TRDN: variants seen among roughly 807,000 people sequenced by gnomAD.
TRDN encodes the protein triadin in skeletal muscle.
A neutral mutation model predicts 149.7 loss-of-function variants in TRDN; 161 were observed. That is an observed-to-expected ratio of 1.08 (90% CI 0.95 to 1.23). The LOEUF is 1.23. TRDN is among the 50% of genes most tolerant of loss of function. The pLI, the probability that TRDN is intolerant of heterozygous loss-of-function variation, is 0.00. For missense variants in TRDN, 896 were observed against 823.5 expected, an observed-to-expected ratio of 1.09 and a Z score of -1.08; for synonymous variants, 294 against 250.5, an observed-to-expected ratio of 1.17 and a Z score of -1.64.
chr6:123,275,828 T>G (rs1777350099), intron 26 of TRDN, among the ~76,000 whole-genome samples: 1 of 152,172 alleles, frequency 6.6e-6, no homozygotes, highest in South Asian at 2.1e-4. Flanking sequence ...AAATGATACA[T>G]TTGTGACTTA....
intron 1 of TRDN, among the ~76,000 whole-genome samples, chr6:123,577,793 C>A (rs1362345886): frequency 1.3e-5 from 2 of 152,056 alleles, no homozygotes; most frequent in African/African-American, 4.8e-5. Context: ...TGCGGCCTCA[C>A]ATCTGTTATT....
chr6:123,269,611 CATTA>C (rs1440752935), intron 31 of TRDN, among the ~76,000 whole-genome samples: 1 of 151,746 alleles, frequency 6.6e-6, no homozygotes, highest in African/African-American at 2.4e-5. Flanking sequence ...TTTAATTAAT[CATTA>C]ATTATTAATC....
At chr6:123,488,122 C>T (rs985430665) in intron 9 of TRDN, among the ~76,000 whole-genome samples, 5 of 152,114 alleles carry the variant, frequency 3.3e-5, no homozygotes, top group Admixed American at 2.6e-4. Context: ...ACTTATTTTA[C>T]TCACTGTCCT....
At chr6:123,371,495 C>G (rs1417742981) in intron 19 of TRDN, among the ~76,000 whole-genome samples, 1 of 152,152 alleles carries the variant, frequency 6.6e-6, no homozygotes, top group African/African-American at 2.4e-5. Flanking sequence ...ACACATAGTC[C>G]TGATCTCAAT....
intron 33 of TRDN, among the ~76,000 whole-genome samples, chr6:123,264,320 G>A (rs1776865741): frequency 6.6e-6 from 1 of 152,002 alleles, no homozygotes; most frequent in Admixed American, 6.6e-5. Context: ...TGACTCTTAC[G>A]GATGACTTCG....
intron 2 of TRDN, 62 bp from the exon 3 acceptor site, chr6:123,548,674 A>G (rs1257373065): frequency 8.0e-7 from 1 of 1,257,344 alleles, no homozygotes; most frequent in South Asian, 2.9e-5. Context: ...ATAACTTAAG[A>G]AAAGCTGTTT....
At chr6:123,301,768 T>TATATATATATACATATATATATATACAC in intron 24 of TRDN, among the ~76,000 whole-genome samples, 2 of 92,738 alleles carry the variant, frequency 2.2e-5, no homozygotes, top group Admixed American at 1.4e-4. Context: ...TATATATATA[T>TATATATATATACATATATATATATACAC]ACATATATAT....
intron 12 of TRDN, among the ~76,000 whole-genome samples, chr6:123,432,647 C>T (rs1583012325): frequency 4.0e-5 from 6 of 151,404 alleles, no homozygotes; most frequent in Non-Finnish European, 7.4e-5. Flanking sequence ...CCCCCTTCCC[C>T]GCAAAATCTA....
At chr6:123,325,201 GT>G (rs777245431) in intron 23 of TRDN, among the ~76,000 whole-genome samples, 1 of 152,036 alleles carries the variant, frequency 6.6e-6, no homozygotes, top group African/African-American at 2.4e-5. Context: ...CTGATACTAA[GT>G]AGCTAATTCA....
chr6:123,283,314 G>T (rs1777668088), intron 24 of TRDN, among the ~76,000 whole-genome samples: 1 of 151,636 alleles, frequency 6.6e-6, no homozygotes, highest in Non-Finnish European at 1.5e-5. Flanking sequence ...ACACAGCAAA[G>T]GTGGTGCTAA....
At chr6:123,591,941 C>G (rs66632718) in intron 1 of TRDN, among the ~76,000 whole-genome samples, 1 of 151,942 alleles carries the variant, frequency 6.6e-6, no homozygotes, top group Non-Finnish European at 1.5e-5. Context: ...AAAGCTGCAC[C>G]CACCTAGAGA....
intron 10 of TRDN, among the ~76,000 whole-genome samples, chr6:123,448,860 G>T (rs4490683): frequency 6.6e-6 from 1 of 151,856 alleles, no homozygotes; most frequent in Non-Finnish European, 1.5e-5. Context: ...ACTGGTATTC[G>T]TGGCTGAGAG....
At chr6:123,391,118 A>G (rs776880939) in intron 13 of TRDN, among the ~76,000 whole-genome samples, 1 of 151,908 alleles carries the variant, frequency 6.6e-6, no homozygotes, top group Non-Finnish European at 1.5e-5. Flanking sequence ...GTCTATATCA[A>G]TTTCTTCCAA....
intron 4 of TRDN, among the ~76,000 whole-genome samples, chr6:123,531,672 G>A (rs1357627386): frequency 6.6e-6 from 1 of 151,968 alleles, no homozygotes; most frequent in Non-Finnish European, 1.5e-5. Context: ...AACAGGTAAG[G>A]CACTCATTCT....
At position 123,483,588 on chromosome 6, in the gene TRDN, A is replaced by T. The variant is rs1372748882; in HGVS notation, c.853+13605T>A. On this transcript the variant is annotated intron_variant, in intron 9 of 40. Coordinates refer to ENST00000334268, the MANE Select transcript of TRDN (RefSeq NM_006073.4). ...CGCCTTGATAAGGCCTGTTCTAACC[A>T]CTGTGGCCCTCTCTCTGGAATTTTG... 1.2e-4 allele frequency among the ~76,000 whole-genome samples: 19 copies of T among 152,282 alleles called. No individual in the cohort carries two copies. The South Asian group carries it at 3.5e-3, about 28-fold the overall frequency.
Position 123,350,170 on chromosome 6 carries a change from A to T in TRDN, c.1369+2369T>A, listed in dbSNP as rs1780405430. The T allele has an allele frequency of 6.2e-6, 6 of 969,508 alleles. No homozygotes were observed. The South Asian group carries it at 2.4e-4, about 39-fold the overall frequency. The allele number at this position is 969,508 out of a possible 1,614,324, so 60.1% of individuals were successfully genotyped here. On this transcript the variant is annotated intron_variant, in intron 21 of 40. Transcript: ENST00000334268. The stretch of plus-strand genomic sequence containing the variant: ...GTTAGTAGACAAATCTTATTTAATT[A>T]CCTAAAAATATTTTTGTCGTGTTTC...
At chr6:123,622,588 A>T (rs987175835) in intron 1 of TRDN, among the ~76,000 whole-genome samples, 3 of 152,156 alleles carry the variant, frequency 2.0e-5, no homozygotes, top group East Asian at 3.9e-4. Flanking sequence ...AAAATATTTT[A>T]AAAATTATGA....
At chr6:123,620,949 G>A (rs2114709961) in intron 1 of TRDN, among the ~76,000 whole-genome samples, 1 of 152,230 alleles carries the variant, frequency 6.6e-6, no homozygotes, top group Non-Finnish European at 1.5e-5. Flanking sequence ...TCTCACCAGT[G>A]CCCAGGACAG....
chr6:123,538,402 G>T (rs960370627), intron 4 of TRDN, among the ~76,000 whole-genome samples: 12 of 152,022 alleles, frequency 7.9e-5, no homozygotes, highest in Non-Finnish European at 1.5e-4. Flanking sequence ...TAATATTTTA[G>T]ATAAATATTC....
Sources: allele counts gnomAD v4.1 joint callset (sites outside exome capture counted in the v4.1 genomes callset), GRCh38; gene constraint gnomAD v4.1.1; transcripts MANE v1.5; gene names NCBI Gene and HGNC (gene_info 2026-07-23, HGNC 2026-07-21).